DNAH12: variants seen among roughly 807,000 people sequenced by gnomAD.
The protein encoded by DNAH12 is axonemal beta dynein heavy chain 12.
In DNAH12, 285 loss-of-function variants were observed where a neutral mutation model predicts 371.5. The ratio of observed to expected loss-of-function variants is 0.77; its 90% CI spans 0.70 to 0.85. The LOEUF (loss-of-function observed/expected upper bound fraction) is 0.85, where lower values mean the gene tolerates loss of function less well. Ranked by LOEUF, DNAH12 falls within the 40% of genes least tolerant of loss-of-function variation. The probability of loss-of-function intolerance (pLI) is 0.00; values close to 1 mark genes in which losing one functional copy is unlikely to be tolerated. For missense variants in DNAH12, 3,611 were observed against 3,689.4 expected (o/e 0.98, Z 0.55); for synonymous variants, 1,200 against 1,213.0 (o/e 0.99, Z 0.22).
intron 7 of DNAH12, among the ~76,000 whole-genome samples, chr3:57,508,156 C>T (rs1285458508): frequency 2.1e-5 from 3 of 144,760 alleles, no homozygotes; most frequent in Non-Finnish European, 4.5e-5. Flanking sequence ...CATTGCACTC[C>T]AGCCTGGATG....
chr3:57,302,515 C>A (rs2061368050), intron 69 of DNAH12, among the ~76,000 whole-genome samples: 1 of 92,908 alleles, frequency 1.1e-5, no homozygotes, highest in Admixed American at 1.5e-4. Flanking sequence ...GCTGAATTAA[C>A]TAAGGCATCA....
upstream of DNAH12, among the ~76,000 whole-genome samples, chr3:57,545,677 C>T (rs1398788146): frequency 1.3e-5 from 2 of 151,986 alleles, no homozygotes; most frequent in Non-Finnish European, 2.9e-5. Context: ...AGTGCCTCAT[C>T]CCCACATAAC....
chr3:57,407,973 C>T (rs1282324573), intron 40 of DNAH12, among the ~76,000 whole-genome samples: 4 of 152,080 alleles, frequency 2.6e-5, no homozygotes, highest in Non-Finnish European at 5.9e-5. Context: ...GTGGCAGATA[C>T]TAGTTTTAGA....
At chr3:57,402,230 A>T (rs1575549056) in intron 43 of DNAH12, among the ~76,000 whole-genome samples, 1 of 152,090 alleles carries the variant, frequency 6.6e-6, no homozygotes, top group Non-Finnish European at 1.5e-5. Context: ...AGAAAAATCC[A>T]TTTCTCTATG....
At chr3:57,312,935 A>G (rs2061610254) in intron 66 of DNAH12, among the ~76,000 whole-genome samples, 1 of 152,302 alleles carries the variant, frequency 6.6e-6, no homozygotes, top group African/African-American at 2.4e-5. Flanking sequence ...TTTATTTTAA[A>G]GGTTGGTGTA....
intron 42 of DNAH12, among the ~76,000 whole-genome samples, chr3:57,404,025 TCACTTTAAAA>T (rs202106396): frequency 0.024 from 3,606 of 152,246 alleles, 67 homozygotes; most frequent in Admixed American, 0.035. Flanking sequence ...AAAATAATAA[TCACTTTAAAA>T]GATGTTTTGG....
At chr3:57,385,970 C>T (rs2063492411) in intron 47 of DNAH12, among the ~76,000 whole-genome samples, 1 of 152,064 alleles carries the variant, frequency 6.6e-6, no homozygotes, top group Non-Finnish European at 1.5e-5. Flanking sequence ...GAAAACAAAG[C>T]AGCATCTCAG....
intron 21 of DNAH12, 32 bp downstream of exon 21, chr3:57,458,067 T>C (rs1306121203): frequency 6.5e-7 from 1 of 1,536,236 alleles, no homozygotes; most frequent in African/African-American, 1.4e-5. Context: ...GAAAATGTTT[T>C]TAATTACAGC....
chr3:57,395,805 G>A (rs2063724451), intron 43 of DNAH12, among the ~76,000 whole-genome samples: 1 of 151,704 alleles, frequency 6.6e-6, no homozygotes, highest in South Asian at 2.1e-4. Context: ...ATAAAAATTA[G>A]CTGGGCATGG....
At chr3:57,407,104 G>A (rs375928477) in intron 40 of DNAH12, among the ~76,000 whole-genome samples, 45 of 151,946 alleles carry the variant, frequency 3.0e-4, no homozygotes, top group African/African-American at 9.4e-4. Context: ...TCACCATGTT[G>A]GCCAGGATGG....
chr3:57,542,738 T>G lies in DNAH12; in HGVS notation c.133A>C (p.Arg45=). The G allele has an allele frequency of 1.2e-6, 2 of 1,608,386 alleles. No homozygotes were observed. Among genetic ancestry groups the G allele is most frequent in the Non-Finnish European group, 8.5e-7 (1 of 1,177,504 alleles). Residue 45 remains arginine (R), a synonymous_variant, in exon 2 of 74, where the codon AGA becomes CGA. Transcript: ENST00000495027. Reference sequence around the variant, plus strand: ...ATTTTCTGCTGCTGCTCCTTGGATCTTCTGTATTTTAGCAGCTTACTTTGT... The same window carrying G: ...ATTTTCTGCTGCTGCTCCTTGGATCGTCTGTATTTTAGCAGCTTACTTTGT... ...PTQSKLLKYR[R]SKEQQQKINQ...
intron 8 of DNAH12, among the ~76,000 whole-genome samples, chr3:57,505,992 C>A (rs1575701652): frequency 1.3e-5 from 2 of 152,210 alleles, no homozygotes; most frequent in East Asian, 3.9e-4. Context: ...GTGATCCTCC[C>A]ACCTCAGCCA....
intron 59 of DNAH12, 136 bp from the exon 60 acceptor site, chr3:57,352,361 G>T: frequency 6.5e-6 from 6 of 919,810 alleles, no homozygotes; most frequent in Non-Finnish European, 9.4e-6. Context: ...ACGAGGGCAT[G>T]TAAAACTGGT....
chr3:57,338,979 T>C (rs1271946597), intron 60 of DNAH12, among the ~76,000 whole-genome samples: 6 of 152,224 alleles, frequency 3.9e-5, no homozygotes, highest in Non-Finnish European at 8.8e-5. Flanking sequence ...AGATTGTTAC[T>C]GTGTCTGTGT....
chr3:57,370,806 C>A (rs1042070924), intron 55 of DNAH12, among the ~76,000 whole-genome samples: 8 of 152,104 alleles, frequency 5.3e-5, no homozygotes, highest in African/African-American at 1.7e-4. Context: ...TAAACTGACA[C>A]CTGGACTTGG....
intron 4 of DNAH12, among the ~76,000 whole-genome samples, chr3:57,515,352 G>C (rs1339109684): frequency 6.6e-6 from 1 of 150,956 alleles, no homozygotes; most frequent in African/African-American, 2.4e-5. Context: ...GTGCCAGAAA[G>C]TAAGGATGTG....
chr3:57,531,767 C>CAAAAAAAA (rs35142998), intron 2 of DNAH12, among the ~76,000 whole-genome samples: 4 of 50,262 alleles, frequency 8.0e-5, no homozygotes, highest in African/African-American at 2.1e-4. Flanking sequence ...CACTCCATCT[C>CAAAAAAAA]AAAAAAAAAA....
At chr3:57,461,880 A>C (rs2066064859) in intron 18 of DNAH12, among the ~76,000 whole-genome samples, 191 bp from the exon 19 acceptor site, 1 of 152,228 alleles carries the variant, frequency 6.6e-6, no homozygotes, top group African/African-American at 2.4e-5. Flanking sequence ...AAGAAGAACG[A>C]TTATGTAGTT....
At chr3:57,545,350 G>A (rs1411859765), upstream of DNAH12, among the ~76,000 whole-genome samples, 2 of 150,102 alleles carry the variant, frequency 1.3e-5, no homozygotes, top group African/African-American at 4.9e-5. Context: ...GTAGAGACGG[G>A]GTTTCTCCAT....
Sources: gnomAD v4.1 joint callset for allele counts (sites outside exome capture counted in the v4.1 genomes callset) on GRCh38, gnomAD v4.1.1 for gene constraint, MANE v1.5 for transcripts, NCBI Gene and HGNC (gene_info 2026-07-23, HGNC 2026-07-21) for gene names.